Variants in INPP4B observed in about 807,000 individuals in gnomAD.
INPP4B encodes the protein inositol polyphosphate 4-phosphatase type II.
In INPP4B, 55 loss-of-function variants were observed where a neutral mutation model predicts 122.5. The observed-to-expected ratio is 0.45, with a 90% CI of 0.36 to 0.56. The LOEUF (loss-of-function observed/expected upper bound fraction) is 0.56. Ranked by LOEUF, INPP4B falls within the 20% of genes least tolerant of loss-of-function variation. The pLI is 0.00. For missense variants in INPP4B, 1,000 were observed against 1,097.7 expected (o/e 0.91, Z 1.26); for synonymous variants, 403 against 388.7 (o/e 1.04, Z -0.43).
intron 1 of INPP4B, among the ~76,000 whole-genome samples, chr4:142,768,243 G>T (rs756093899): frequency 1.5e-4 from 23 of 152,064 alleles, no homozygotes; most frequent in Admixed American, 7.9e-4. Context: ...TATACCATGT[G>T]ATACAAAAAT....
intron 5 of INPP4B, among the ~76,000 whole-genome samples, chr4:142,428,441 A>G (rs1190287485): frequency 6.8e-6 from 1 of 147,950 alleles, no homozygotes; most frequent in Non-Finnish European, 1.5e-5. Context: ...CATGACAGGA[A>G]AAAAAAAAAA....
In INPP4B at chr4:142,110,417, G is replaced by A. The variant is rs1048959812; in HGVS notation, c.2276+2125C>T. On this transcript the variant is annotated intron_variant, in intron 22 of 25. Transcript: ENST00000262992. ...TTACAGCAGCCCAAGCAGACTAATAGTATTTATTTATCTAAGAATGGTCAT... is the reference window on the plus strand; with the variant it reads ...TTACAGCAGCCCAAGCAGACTAATAATATTTATTTATCTAAGAATGGTCAT... 2.6e-5 allele frequency among the ~76,000 whole-genome samples: 4 copies of A among 152,138 alleles called. No homozygotes were observed. In the East Asian group the frequency reaches 5.8e-4, roughly 22 times the overall value.
At chr4:142,041,736 C>G (rs1205247651) in intron 25 of INPP4B, among the ~76,000 whole-genome samples, 2 of 152,144 alleles carry the variant, frequency 1.3e-5, no homozygotes, top group African/African-American at 2.4e-5. Flanking sequence ...TCTTTTTTCT[C>G]TAATATTGAA....
chr4:142,116,304 A>G (rs1246936048), intron 21 of INPP4B, among the ~76,000 whole-genome samples: 1 of 152,150 alleles, frequency 6.6e-6, no homozygotes, highest in Non-Finnish European at 1.5e-5. Context: ...GCTCTGCACC[A>G]AGCAGACCTA....
chr4:142,424,175 C>T (rs571167302), intron 5 of INPP4B, among the ~76,000 whole-genome samples: 4 of 151,936 alleles, frequency 2.6e-5, no homozygotes, highest in Admixed American at 6.6e-5. Flanking sequence ...TCAGTGACTA[C>T]GCTTTCTCAT....
rs375605565 is a variant in INPP4B, at chr4:142,630,481, A to T, written c.-191+95358T>A. Among the ~76,000 whole-genome samples, 12 of 152,200 alleles carry T rather than the reference A, an allele frequency of 7.9e-5. No homozygotes were observed. The East Asian group carries it at 1.7e-3, about 22-fold the overall frequency. On this transcript the variant is annotated intron_variant, in intron 2 of 25. Transcript: ENST00000262992. The stretch of plus-strand genomic sequence containing the variant: ...GTAGCATTCAGGTTTTTAACATGTA[A>T]ACTGAATAAACTCTATTAAGGCTTC...
chr4:142,610,885 C>G (rs1489027211), intron 2 of INPP4B, among the ~76,000 whole-genome samples: 1 of 152,134 alleles, frequency 6.6e-6, no homozygotes, highest in African/African-American at 2.4e-5. Context: ...ATTTTTAAAT[C>G]TACTAGGATT....
rs1297472193 is a variant in INPP4B at position 142,027,025 on chromosome 4, T to C, written c.*1757A>G. 2.0e-5 allele frequency: 3 copies of C among 152,076 alleles called. No individual in the cohort carries two copies. Among genetic ancestry groups the C allele is most frequent in the African/African-American group, 4.8e-5 (2 of 41,418 alleles). The allele number at this position is 152,076 out of a possible 1,614,324, so 9.4% of individuals were successfully genotyped here. ...AACCACAAATCCTACCATTTTCAAA[T>C]GATATTGAACAACTCAAAGGTTGTA... On this transcript the variant is annotated 3_prime_UTR_variant, in exon 26 of 26. Coordinates refer to ENST00000262992, the MANE Select transcript of INPP4B (RefSeq NM_001101669.3).
chr4:142,036,482 T>C (rs1344703840), intron 25 of INPP4B, among the ~76,000 whole-genome samples: 1 of 152,096 alleles, frequency 6.6e-6, no homozygotes, highest in Non-Finnish European at 1.5e-5. Context: ...GGCTGAGGAG[T>C]AGAGCATTCA....
intron 2 of INPP4B, among the ~76,000 whole-genome samples, chr4:142,666,763 GCAATCTAT>G (rs1384750680): frequency 6.6e-6 from 1 of 152,022 alleles, no homozygotes; most frequent in Non-Finnish European, 1.5e-5. Flanking sequence ...GAAGACAAAT[GCAATCTAT>G]CAACCTTTTA....
chr4:142,060,485 T>C lies in INPP4B; in HGVS notation c.2642+21546A>G, dbSNP rs78248779. Among the ~76,000 whole-genome samples, 197 of 152,336 alleles carry C rather than the reference T, an allele frequency of 1.3e-3. 5 individuals are homozygous for C. In the East Asian group the frequency reaches 0.03, roughly 24 times the overall value. On this transcript the variant is annotated intron_variant, in intron 25 of 25. Transcript: ENST00000262992. ...AGACAAAGTTCCTTTAAAAAGGTCA[T>C]GCATTTTATGGATCCAGGAATAAAG...
chr4:142,657,853 C>T lies in INPP4B; in HGVS notation c.-191+67986G>A, dbSNP rs1035151827. ...TGTTTTAAACCTGGAAGATATTTAA[C>T]GGATTCTGAAAATCAAATTTAAGTT... On this transcript the variant is annotated intron_variant, in intron 2 of 25. Coordinates refer to ENST00000262992, the MANE Select transcript of INPP4B (RefSeq NM_001101669.3). 1.1e-4 allele frequency among the ~76,000 whole-genome samples: 16 copies of T among 152,254 alleles called. 1 individual carries two copies. In the South Asian group the frequency reaches 1.4e-3, roughly 14 times the overall value.
chr4:142,419,380 G>A (rs1473837343), intron 5 of INPP4B, among the ~76,000 whole-genome samples: 1 of 152,108 alleles, frequency 6.6e-6, no homozygotes, highest in Non-Finnish European at 1.5e-5. Flanking sequence ...TTTGCACTGG[G>A]ATAAAACTGA....
intron 15 of INPP4B, among the ~76,000 whole-genome samples, chr4:142,179,021 C>G (rs1829587933): frequency 6.6e-6 from 1 of 151,972 alleles, no homozygotes. Context: ...CCCAATGCAC[C>G]CTTTCCATTT....
chr4:142,827,331 A>T (rs1781571292), intron 1 of INPP4B, among the ~76,000 whole-genome samples: 1 of 152,192 alleles, frequency 6.6e-6, no homozygotes, highest in Non-Finnish European at 1.5e-5. Context: ...TGCAGAACTT[A>T]ATTTTATTTT....
chr4:142,241,826 G>C (rs1859558497), intron 11 of INPP4B, among the ~76,000 whole-genome samples: 2 of 152,104 alleles, frequency 1.3e-5, no homozygotes, highest in South Asian at 4.1e-4. Flanking sequence ...TAATCAAAAA[G>C]CTCAAACATT....
chr4:142,245,261 T>G lies in INPP4B; in HGVS notation c.689-7250A>C, dbSNP rs148195128. ...ATTTTGGCTTTGGTTCCCAGTGCTT[T>G]TGGTGTTTTAGTCATGAAGTCTTTG... On this transcript the variant is annotated intron_variant, in intron 11 of 25. Transcript: ENST00000262992. Among the ~76,000 whole-genome samples, 75 of 152,336 alleles carry G rather than the reference T, an allele frequency of 4.9e-4. 1 individual carries two copies. Among genetic ancestry groups the G allele is most frequent in the Middle Eastern group, 6.8e-3 (2 of 294 alleles).
chr4:142,745,913 G>C (rs865923632), intron 1 of INPP4B, among the ~76,000 whole-genome samples: 1 of 151,676 alleles, frequency 6.6e-6, no homozygotes, highest in African/African-American at 2.4e-5. Context: ...GATAAAAGAG[G>C]TTCAAAATTC....
intron 2 of INPP4B, among the ~76,000 whole-genome samples, chr4:142,640,262 A>T (rs1048834071): frequency 2.0e-5 from 3 of 152,160 alleles, no homozygotes; most frequent in African/African-American, 7.2e-5. Context: ...AAAAAAAGGG[A>T]CAAGGTAAGA....
Sources: allele counts gnomAD v4.1 joint callset (sites outside exome capture counted in the v4.1 genomes callset), GRCh38; gene constraint gnomAD v4.1.1; transcripts MANE v1.5; gene names NCBI Gene and HGNC (gene_info 2026-07-23, HGNC 2026-07-21).